The following EPHA3 variants were observed in gnomAD, a reference collection of about 807,000 sequenced individuals.
The protein encoded by EPHA3 is EPH receptor A3.
In EPHA3, 42 loss-of-function variants were observed where a neutral mutation model predicts 107.1. The observed-to-expected ratio is 0.39, with a 90% CI of 0.31 to 0.51. EPHA3 has a LOEUF of 0.51. Ranked by LOEUF, EPHA3 falls within the 20% of genes least tolerant of loss-of-function variation. EPHA3 has a pLI of 0.78. For synonymous variants in EPHA3, 461 were observed against 424.8 expected, an observed-to-expected ratio of 1.09 and a Z score of -1.05; for missense variants, 1,183 against 1,211.2, an observed-to-expected ratio of 0.98 and a Z score of 0.35.
intron 5 of EPHA3, among the ~76,000 whole-genome samples, chr3:89,383,333 C>G (rs1459646081): frequency 6.6e-6 from 1 of 152,154 alleles, no homozygotes; most frequent in Non-Finnish European, 1.5e-5. Flanking sequence ...ATAGCCTTTC[C>G]GAATAGTTTT....
At chr3:89,219,494 C>G (rs1391184716) in intron 3 of EPHA3, among the ~76,000 whole-genome samples, 5 of 151,438 alleles carry the variant, frequency 3.3e-5, no homozygotes, top group African/African-American at 9.7e-5. Context: ...TCTGCTATAC[C>G]AAATGTCAAC....
intron 5 of EPHA3, among the ~76,000 whole-genome samples, chr3:89,380,407 C>T (rs1285487371): frequency 2.0e-5 from 3 of 152,082 alleles, no homozygotes; most frequent in Non-Finnish European, 4.4e-5. Context: ...AAATTTGGCT[C>T]CTCAATTAAA....
chr3:89,460,973 C>A (rs904292394), intron 15 of EPHA3, among the ~76,000 whole-genome samples: 12 of 120,902 alleles, frequency 9.9e-5, no homozygotes, highest in African/African-American at 3.9e-4. Context: ...CTATCCCTCC[C>A]CCCTCCCCCG....
At chr3:89,138,039 A>G (rs1405456051) in intron 2 of EPHA3, among the ~76,000 whole-genome samples, 2 of 151,910 alleles carry the variant, frequency 1.3e-5, no homozygotes, top group East Asian at 3.9e-4. Flanking sequence ...GTGTTAGAAG[A>G]TCGTTATCTG....
chr3:89,167,782 A>C (rs1391781805), intron 2 of EPHA3, among the ~76,000 whole-genome samples: 1 of 152,128 alleles, frequency 6.6e-6, no homozygotes, highest in African/African-American at 2.4e-5. Flanking sequence ...CAACTGGAGC[A>C]AGATAGAATT....
intron 16 of EPHA3, among the ~76,000 whole-genome samples, chr3:89,475,588 G>A (rs542647905): frequency 6.6e-6 from 1 of 152,242 alleles, no homozygotes; most frequent in Admixed American, 6.5e-5. Context: ...ACCTAAGATG[G>A]ATTTAGGAAG....
At chr3:89,153,609 A>G (rs1285840265) in intron 2 of EPHA3, among the ~76,000 whole-genome samples, 2 of 152,044 alleles carry the variant, frequency 1.3e-5, no homozygotes, top group African/African-American at 2.4e-5. Flanking sequence ...CTTTCAAAAC[A>G]TATCAGAAAT....
At chr3:89,294,073 G>C (rs1263978654) in intron 3 of EPHA3, among the ~76,000 whole-genome samples, 4 of 152,154 alleles carry the variant, frequency 2.6e-5, no homozygotes, top group Non-Finnish European at 5.9e-5. Context: ...TACAGGTAGA[G>C]GGTAAGATTT....
rs189325506 is a variant in EPHA3 at position 89,363,488 on chromosome 3, C to T, written c.1306+21398C>T. Among the ~76,000 whole-genome samples the T allele has an allele frequency of 7.3e-5, 11 of 150,926 alleles. 1 individual carries two copies. Among genetic ancestry groups the T allele is most frequent in the Admixed American group, 2.0e-4 (3 of 14,996 alleles). On this transcript the variant is annotated intron_variant, in intron 5 of 16. Coordinates refer to ENST00000336596, the MANE Select transcript of EPHA3 (RefSeq NM_005233.6). ...CTATTTTTTCTCTTAAGGCCTTCAA[C>T]GGACTGAATGAGGCCCACACACATT...
chr3:89,359,313 A>T (rs1035831772), intron 5 of EPHA3, among the ~76,000 whole-genome samples: 3 of 150,988 alleles, frequency 2.0e-5, no homozygotes, highest in African/African-American at 7.3e-5. Context: ...TAAGACATAC[A>T]TGTTTACAAA....
rs1334127938 is a variant in EPHA3, at chr3:89,342,025, G to T, written c.1241G>T (p.Gly414Val). ...NYTFEIDAVN[G>V]VSELSSPPRQ... ...ACCTTTGAGATTGATGCCGTTAATGGGGTGTCAGAGCTGAGCTCCCCACCA... is the reference window on the plus strand; with the variant it reads ...ACCTTTGAGATTGATGCCGTTAATGTGGTGTCAGAGCTGAGCTCCCCACCA... The change falls in exon 5 of 17, where the codon GGG becomes GTG. Residue 414 changes from glycine (G) to valine (V), a missense_variant. By Grantham distance (109) the Gly-to-Val change is moderately radical. Transcript: ENST00000336596. 6.2e-7 allele frequency: 1 copy of T among 1,611,834 alleles called. No individual in the cohort carries two copies. The highest frequency in any genetic ancestry group is 1.7e-4 in the Middle Eastern group (1 of 6,056).
intron 3 of EPHA3, among the ~76,000 whole-genome samples, chr3:89,306,857 C>T (rs181726015): frequency 8.4e-4 from 128 of 152,200 alleles, no homozygotes; most frequent in African/African-American, 3.0e-3. Flanking sequence ...GTTGGTCCTT[C>T]GAATTGGATA....
chr3:89,126,936 T>A (rs1704108799), intron 1 of EPHA3, among the ~76,000 whole-genome samples: 1 of 151,842 alleles, frequency 6.6e-6, no homozygotes, highest in African/African-American at 2.4e-5. Flanking sequence ...AAACCCATAA[T>A]TATTATGCCA....
intron 3 of EPHA3, among the ~76,000 whole-genome samples, chr3:89,299,296 TGAAAA>T (rs935842795): frequency 1.7e-4 from 26 of 151,990 alleles, no homozygotes; most frequent in African/African-American, 5.5e-4. Context: ...GTAACAAAGA[TGAAAA>T]GAAAAGACAG....
chr3:89,397,747 C>T (rs1010725136), intron 6 of EPHA3, among the ~76,000 whole-genome samples: 3 of 152,134 alleles, frequency 2.0e-5, no homozygotes, highest in African/African-American at 4.8e-5. Context: ...CCATGCCCAA[C>T]TAATTTTGTA....
At chr3:89,433,084 T>C (rs67316928) in intron 13 of EPHA3, among the ~76,000 whole-genome samples, 68,292 of 151,898 alleles carry the variant, frequency 0.45, 16,742 homozygotes, top group African/African-American at 0.63. Context: ...CCTTGGGATA[T>C]TTCTATAGAA....
chr3:89,433,300 C>T lies in EPHA3; in HGVS notation c.2346+1941C>T, dbSNP rs183240811. On this transcript the variant is annotated intron_variant, in intron 13 of 16. Transcript: ENST00000336596. ...TTATCTAATTTTAAAAGTTTATTCCCGATTAAAAAAAAAAGCTCATCCTAT... is the reference window on the plus strand; with the variant it reads ...TTATCTAATTTTAAAAGTTTATTCCTGATTAAAAAAAAAAGCTCATCCTAT... 3.6e-3 allele frequency among the ~76,000 whole-genome samples: 541 copies of T among 149,374 alleles called. 2 individuals are homozygous for T. The highest frequency in any genetic ancestry group is 0.013 in the African/African-American group (519 of 40,292).
At chr3:89,447,523 C>A (rs181445376) in intron 13 of EPHA3, among the ~76,000 whole-genome samples, 252 of 152,244 alleles carry the variant, frequency 1.7e-3, no homozygotes, top group Middle Eastern at 0.01. Context: ...TATCACTCTC[C>A]TAGCCAGGAT....
chr3:89,394,972 C>CT (rs1032780185), intron 5 of EPHA3, among the ~76,000 whole-genome samples: 1 of 152,082 alleles, frequency 6.6e-6, no homozygotes, highest in Non-Finnish European at 1.5e-5. Context: ...TGCATTTTTC[C>CT]TTTTAATGGA....
Sources: gnomAD v4.1 joint callset for allele counts (sites outside exome capture counted in the v4.1 genomes callset) on GRCh38, gnomAD v4.1.1 for gene constraint, MANE v1.5 for transcripts, NCBI Gene and HGNC (gene_info 2026-07-23, HGNC 2026-07-21) for gene names.